NCKAP5: variants seen among roughly 807,000 people sequenced by gnomAD.
The protein encoded by NCKAP5 is nck-associated protein 5.
Under a neutral mutation model 167.0 loss-of-function variants are expected in NCKAP5, and 92 were observed. The ratio of observed to expected loss-of-function variants is 0.55; its 90% CI spans 0.47 to 0.66. NCKAP5 has a LOEUF of 0.66. Ranked by LOEUF, NCKAP5 falls within the 30% of genes least tolerant of loss-of-function variation. NCKAP5 has a pLI of 0.00. For synonymous variants in NCKAP5, 891 were observed against 877.4 expected (o/e 1.02, Z -0.27); for missense variants, 2,378 against 2,315.0 (o/e 1.03, Z -0.56).
chr2:133,668,881 T>C, the NCKAP5 span, among the ~76,000 whole-genome samples: 4 of 152,138 alleles, frequency 2.6e-5, no homozygotes, highest in Non-Finnish European at 5.9e-5. Flanking sequence ...ACTCTCATAG[T>C]GTGTATGTTG....
At chr2:132,768,762 C>A (rs1198640836) in intron 16 of NCKAP5, among the ~76,000 whole-genome samples, 2 of 151,226 alleles carry the variant, frequency 1.3e-5, no homozygotes, top group Admixed American at 1.3e-4. Context: ...GCCTCAGCCT[C>A]CCGAGTAGCT....
the NCKAP5 span, among the ~76,000 whole-genome samples, chr2:133,621,561 A>G: frequency 2.6e-5 from 4 of 151,648 alleles, no homozygotes; most frequent in East Asian, 2.0e-4. Context: ...CAACCCTCTT[A>G]GATTAAACCA....
At chr2:133,069,265 T>C (rs1007640880) in intron 6 of NCKAP5, among the ~76,000 whole-genome samples, 7 of 152,222 alleles carry the variant, frequency 4.6e-5, no homozygotes, top group African/African-American at 1.4e-4. Context: ...TGTAAAACAC[T>C]GGAAAATAAA....
intron 9 of NCKAP5, 115 bp from the exon 10 acceptor site, chr2:132,869,089 C>T: frequency 1.6e-6 from 1 of 627,482 alleles, no homozygotes; most frequent in Non-Finnish European, 2.7e-6. Flanking sequence ...TCCTCATTTG[C>T]CTCTTTCCTC....
At chr2:133,450,723 G>T (rs1691498288) in intron 3 of NCKAP5, among the ~76,000 whole-genome samples, 1 of 152,054 alleles carries the variant, frequency 6.6e-6, no homozygotes, top group Non-Finnish European at 1.5e-5. Flanking sequence ...TAGCTCCAAG[G>T]CCACAAAAGA....
chr2:133,402,192 C>T (rs375942068), intron 3 of NCKAP5, among the ~76,000 whole-genome samples: 3 of 152,092 alleles, frequency 2.0e-5, no homozygotes, highest in African/African-American at 7.2e-5. Flanking sequence ...AGAAGAAGGA[C>T]TCGGTGTATA....
intron 4 of NCKAP5, among the ~76,000 whole-genome samples, chr2:133,238,219 A>G (rs565104067): frequency 1.3e-5 from 2 of 152,152 alleles, no homozygotes; most frequent in South Asian, 4.1e-4. Flanking sequence ...ATAAAACAAT[A>G]TATCTGTGAT....
intron 4 of NCKAP5, among the ~76,000 whole-genome samples, chr2:133,290,678 A>G (rs2150512546): frequency 6.7e-6 from 1 of 149,360 alleles, no homozygotes. Context: ...GGACTTACAG[A>G]TAAAGGTGGT....
chr2:132,927,963 C>T (rs1426151905), intron 8 of NCKAP5, among the ~76,000 whole-genome samples: 2 of 152,116 alleles, frequency 1.3e-5, no homozygotes, highest in Non-Finnish European at 2.9e-5. Flanking sequence ...TAATTGTTTT[C>T]CCCTTTCACA....
At chr2:133,235,062 A>C (rs1371001532) in intron 4 of NCKAP5, among the ~76,000 whole-genome samples, 1 of 151,342 alleles carries the variant, frequency 6.6e-6, no homozygotes, top group Non-Finnish European at 1.5e-5. Context: ...ATGGAACTGA[A>C]GCTACTTAAC....
At chr2:133,569,987 TA>T (rs140836850), upstream of NCKAP5, among the ~76,000 whole-genome samples, 2,827 of 152,254 alleles carry the variant, frequency 0.019, 104 homozygotes, top group African/African-American at 0.065. Context: ...CACAAAGATA[TA>T]AGCACAAGTT....
At position 133,218,062 on chromosome 2, in the gene NCKAP5, G is replaced by A. The variant is rs1379876682; in HGVS notation, c.144-4283C>T. ...GAGTTCTCAAATATTTGATCCTTTTGTATGCAGAAAAACTGAGGATCCCAA... is the reference window on the plus strand; with the variant it reads ...GAGTTCTCAAATATTTGATCCTTTTATATGCAGAAAAACTGAGGATCCCAA... On this transcript the variant is annotated intron_variant, in intron 4 of 19. Coordinates refer to ENST00000409261, the MANE Select transcript of NCKAP5 (RefSeq NM_207363.3). Among the ~76,000 whole-genome samples, 5 of 152,154 alleles carry A rather than the reference G, an allele frequency of 3.3e-5. No homozygotes were observed. The East Asian group carries it at 9.7e-4, about 29-fold the overall frequency.
chr2:133,517,012 C>A (rs1173543272), intron 3 of NCKAP5, among the ~76,000 whole-genome samples: 1 of 152,194 alleles, frequency 6.6e-6, no homozygotes, highest in Non-Finnish European at 1.5e-5. Flanking sequence ...AGTTTACAGA[C>A]AACTGAACTA....
chr2:133,471,433 C>G (rs1679297826), intron 3 of NCKAP5, among the ~76,000 whole-genome samples: 1 of 152,172 alleles, frequency 6.6e-6, no homozygotes, highest in African/African-American at 2.4e-5. Context: ...ACATTTCTCT[C>G]TTGCGACCCA....
At chr2:133,549,950 C>T in intron 2 of NCKAP5, among the ~76,000 whole-genome samples, 1 of 145,502 alleles carries the variant, frequency 6.9e-6, no homozygotes, top group African/African-American at 2.5e-5. Context: ...AAACTACCAT[C>T]AGAGAATACT....
the NCKAP5 span, among the ~76,000 whole-genome samples, chr2:133,621,730 A>G: frequency 6.6e-6 from 1 of 152,146 alleles, no homozygotes; most frequent in South Asian, 2.1e-4. Context: ...TAACAATCCT[A>G]TTGACACTGT....
chr2:133,185,056 A>G (rs2150051171), intron 5 of NCKAP5, among the ~76,000 whole-genome samples: 1 of 152,114 alleles, frequency 6.6e-6, no homozygotes, highest in Admixed American at 6.6e-5. Flanking sequence ...CTACAAGAGT[A>G]TTTGCTAGGA....
chr2:133,298,688 T>C (rs1366481144), intron 4 of NCKAP5, among the ~76,000 whole-genome samples: 1 of 152,232 alleles, frequency 6.6e-6, no homozygotes, highest in African/African-American at 2.4e-5. Flanking sequence ...TCATTATTTT[T>C]TGTAAATTTT....
At chr2:133,055,696 C>T (rs1157136499) in intron 6 of NCKAP5, among the ~76,000 whole-genome samples, 1 of 152,040 alleles carries the variant, frequency 6.6e-6, no homozygotes, top group East Asian at 1.9e-4. Flanking sequence ...TCATTTGTTG[C>T]ATTATTTGAT....
Sources: allele counts gnomAD v4.1 joint callset (sites outside exome capture counted in the v4.1 genomes callset), GRCh38; gene constraint gnomAD v4.1.1; transcripts MANE v1.5; gene names NCBI Gene and HGNC (gene_info 2026-07-23, HGNC 2026-07-21).